TMEM185A: variants seen among roughly 807,000 people sequenced by gnomAD.
TMEM185A encodes transmembrane protein 185A.
Under a neutral mutation model 25.0 loss-of-function variants are expected in TMEM185A, and 9 were observed. The ratio of observed to expected loss-of-function variants is 0.36; its 90% CI spans 0.22 to 0.63. The LOEUF (loss-of-function observed/expected upper bound fraction) is 0.63, where lower values mean the gene tolerates loss of function less well. TMEM185A is among the 20% of genes least tolerant of loss of function. The pLI is 0.68. For synonymous variants in TMEM185A, 45 were observed against 93.5 expected, an observed-to-expected ratio of 0.48 and a Z score of 2.99; for missense variants, 103 against 237.4, an observed-to-expected ratio of 0.43 and a Z score of 3.72.
intron 1 of TMEM185A, among the ~76,000 whole-genome samples, chrX:149,612,329 G>A (rs1380131957): frequency 8.9e-6 from 1 of 111,825 alleles, no homozygotes; most frequent in African/African-American, 3.3e-5. Flanking sequence ...GCTGCAGCAA[G>A]AAAACAGTTA....
At chrX:149,613,901 T>C (rs1557354774) in intron 1 of TMEM185A, among the ~76,000 whole-genome samples, 1 of 112,135 alleles carries the variant, frequency 8.9e-6, no homozygotes, top group African/African-American at 3.2e-5. Context: ...ATTTGTCATA[T>C]GCCTAATAAC....
Position 149,631,723 on chromosome X carries a change from TCGCCGTCGCCGTCGCCGCCGCCGCCGC to T in TMEM185A, c.-170_-144del. On this transcript the variant is annotated 5_prime_UTR_variant, in exon 1 of 7. Transcript: ENST00000600449. ...GCTACTGCTGCCGTCCCCGCTGCCG[TCGCCGTCGCCGTCGCCGCCGCCGCCGC>T]CGCCGCCGCCGCCGCCGCCGCCGCC... is the stretch of plus-strand genomic sequence containing the variant. The T allele has an allele frequency of 6.7e-6, 3 of 450,782 alleles. No homozygotes were observed. Among genetic ancestry groups the T allele is most frequent in the East Asian group, 1.2e-4 (2 of 16,028 alleles). The allele number at this position is 450,782 out of a possible 1,213,427, so 37.1% of individuals were successfully genotyped here.
chrX:149,606,694 C>G (rs2090053428), intron 3 of TMEM185A: 1 of 112,615 alleles, frequency 8.9e-6, no homozygotes, highest in African/African-American at 3.2e-5. Context: ...TCCTCCTTCC[C>G]ATCTCTGTAT....
In TMEM185A at chrX:149,631,594, A is replaced by C. The variant is rs781935414; in HGVS notation, c.-14T>G. On this transcript the variant is annotated 5_prime_UTR_variant, in exon 1 of 7. Coordinates refer to ENST00000600449, the MANE Select transcript of TMEM185A (RefSeq NM_032508.4). ...CCTCAGGTTCATGGCGGAGAACTTC[A>C]CCGCGGCGTCCTCCTCCTCCTCCCC... 1 of 1,159,335 alleles carries C rather than the reference A, an allele frequency of 8.6e-7. No homozygotes were observed.
rs2089990425 is a variant in TMEM185A at position 149,596,617 on chromosome X, AT to A, written c.*1393del. On this transcript the variant is annotated 3_prime_UTR_variant, in exon 7 of 7. Transcript: ENST00000600449. ...GAGCAAAAATAGTGGCTTTAGCTAC[AT>A]TTTTTACACACTGAGCAGGAAAGTC... is the stretch of plus-strand genomic sequence containing the variant. 1 of 85,849 alleles carries A rather than the reference AT, an allele frequency of 1.2e-5. No individual in the cohort carries two copies. Among genetic ancestry groups the A allele is most frequent in the African/African-American group, 4.4e-5 (1 of 22,518 alleles). The allele number at this position is 85,849 out of a possible 1,213,427, so 7.1% of individuals were successfully genotyped here.
intron 3 of TMEM185A, among the ~76,000 whole-genome samples, chrX:149,604,434 T>C (rs1262890467): frequency 8.9e-6 from 1 of 111,914 alleles, no homozygotes; most frequent in Non-Finnish European, 1.9e-5. Flanking sequence ...TCCTTGTGCA[T>C]CCTTCTTCTC....
chrX:149,602,228 TTTC>T (rs2090021417), intron 4 of TMEM185A: 1 of 108,548 alleles, frequency 9.2e-6, no homozygotes, highest in Non-Finnish European at 1.9e-5. Flanking sequence ...CCTGTCTTCA[TTTC>T]ATTTTAATTT....
At chrX:149,624,269 T>C (rs1387160540) in intron 1 of TMEM185A, among the ~76,000 whole-genome samples, 1 of 112,480 alleles carries the variant, frequency 8.9e-6, no homozygotes, top group Non-Finnish European at 1.9e-5. Context: ...CCAAAGCTAG[T>C]ATCCTCTCTG....
At chrX:149,623,346 AT>A (rs1457530771) in intron 1 of TMEM185A, among the ~76,000 whole-genome samples, 1 of 111,782 alleles carries the variant, frequency 8.9e-6, no homozygotes, top group Non-Finnish European at 1.9e-5. Context: ...TTAATAGGTA[AT>A]ATGGGGCCAC....
At chrX:149,604,792 G>A (rs948275458) in intron 3 of TMEM185A, among the ~76,000 whole-genome samples, 2 of 110,945 alleles carry the variant, frequency 1.8e-5, no homozygotes, top group Admixed American at 1.9e-4. Context: ...CAAAGTCACC[G>A]ATAACCGGGA....
chrX:149,607,586 C>T (rs2090059290), intron 3 of TMEM185A, among the ~76,000 whole-genome samples: 1 of 112,980 alleles, frequency 8.9e-6, no homozygotes, highest in South Asian at 3.6e-4. Context: ...CAATTACTTT[C>T]ATTACTATTA....
intron 1 of TMEM185A, among the ~76,000 whole-genome samples, 192 bp downstream of exon 1, chrX:149,631,351 G>C (rs1413616230): frequency 9.0e-6 from 1 of 111,404 alleles, no homozygotes; most frequent in Non-Finnish European, 1.9e-5. Context: ...CCGGGCACGG[G>C]AGGAGGAAGC....
chrX:149,608,573 C>T (rs2090064815), intron 3 of TMEM185A, 54 bp downstream of exon 3: 4 of 1,148,833 alleles, frequency 3.5e-6, no homozygotes, highest in Non-Finnish European at 3.6e-6. Flanking sequence ...TCAAGTGATC[C>T]ACCTGCCTTG....
chrX:149,625,377 T>C (rs1192750629), intron 1 of TMEM185A, among the ~76,000 whole-genome samples: 2 of 112,316 alleles, frequency 1.8e-5, no homozygotes, highest in African/African-American at 6.5e-5. Context: ...CTAAGAACAA[T>C]GTGTGTGTAA....
chrX:149,616,845 G>T (rs2090112873), intron 1 of TMEM185A, among the ~76,000 whole-genome samples: 1 of 112,529 alleles, frequency 8.9e-6, no homozygotes, highest in Non-Finnish European at 1.9e-5. Flanking sequence ...TTCTGAAAAA[G>T]AACAAAGTTG....
At chrX:149,604,791 C>T (rs1431897132) in intron 3 of TMEM185A, among the ~76,000 whole-genome samples, 4 of 110,989 alleles carry the variant, frequency 3.6e-5, no homozygotes, top group Admixed American at 1.9e-4. Context: ...TCAAAGTCAC[C>T]GATAACCGGG....
chrX:149,608,862 C>A, intron 2 of TMEM185A, 28 bp from the exon 3 acceptor site: 3 of 1,169,695 alleles, frequency 2.6e-6, no homozygotes, highest in Middle Eastern at 2.4e-4. Flanking sequence ...GAAGAAAACA[C>A]CCTCAGTTCA....
At chrX:149,603,945 A>G (rs1557352850) in intron 4 of TMEM185A, 42 bp downstream of exon 4, 2 of 1,093,927 alleles carry the variant, frequency 1.8e-6, no homozygotes, top group Non-Finnish European at 2.5e-6. Context: ...TTACTTTTAT[A>G]ATAAAAAAGA....
intron 1 of TMEM185A, among the ~76,000 whole-genome samples, chrX:149,621,534 G>A (rs781950479): frequency 2.7e-5 from 3 of 111,792 alleles, no homozygotes; most frequent in Admixed American, 9.5e-5. Context: ...TCCTATTGCT[G>A]CCATTCAAAA....
Sources: allele counts gnomAD v4.1 joint callset (sites outside exome capture counted in the v4.1 genomes callset), GRCh38; gene constraint gnomAD v4.1.1; transcripts MANE v1.5; gene names NCBI Gene and HGNC (gene_info 2026-07-23, HGNC 2026-07-21).